The following CTNND2 variants were observed in gnomAD, a reference collection of about 807,000 sequenced individuals.
CTNND2 encodes catenin delta-2.
CTNND2 carries 22 observed loss-of-function variants against 144.4 expected under a neutral mutation model. The ratio of observed to expected loss-of-function variants is 0.15; its 90% confidence interval spans 0.11 to 0.22. The LOEUF is 0.22. CTNND2 is among the 10% of genes least tolerant of loss of function. The probability of loss-of-function intolerance (pLI) is 1.00; values close to 1 mark genes in which losing one functional copy is unlikely to be tolerated. For synonymous variants in CTNND2, 751 were observed against 695.6 expected (o/e 1.08, Z -1.25); for missense variants, 1,353 against 1,618.8 (o/e 0.84, Z 2.82).
Position 11,385,042 on chromosome 5 carries a change from G to C in CTNND2, c.800C>G (p.Ser267Cys). The change falls in exon 7 of 22, where the codon TCC becomes TGC. Residue 267 changes from serine to cysteine, a missense_variant. This residue lies in a region of CTNND2 where 708 missense variants were observed against 706.4 expected (regional missense o/e 1.00). Transcript: ENST00000304623. ...STLPAPPRGGSPLAAPQGGSP... is the reference protein window; with the variant it reads ...STLPAPPRGGCPLAAPQGGSP... ...ACCGCCCTGGGGCGCGGCCAGCGGG[G>C]AGCCCCCGCGCGGCGGCGCGGGCAG... is the stretch of plus-strand genomic sequence containing the variant. 1 of 1,156,082 alleles carries C rather than the reference G, an allele frequency of 8.6e-7. No homozygotes were observed. Among genetic ancestry groups the C allele is most frequent in the Non-Finnish European group, 1.1e-6 (1 of 944,416 alleles). The allele number at this position is 1,156,082 out of a possible 1,614,324, so 71.6% of individuals were successfully genotyped here. A position where few individuals can be genotyped will look rare whatever the true frequency, so the allele number is the denominator to read the frequency against.
chr5:11,650,037 G>A (rs534124295), intron 2 of CTNND2, among the ~76,000 whole-genome samples: 19 of 152,252 alleles, frequency 1.2e-4, no homozygotes, highest in African/African-American at 4.6e-4. Context: ...CATGACTTTA[G>A]TCAGTGATAT....
chr5:11,505,231 C>T (rs1331323742), intron 3 of CTNND2, among the ~76,000 whole-genome samples: 1 of 149,984 alleles, frequency 6.7e-6, no homozygotes, highest in East Asian at 2.0e-4. Flanking sequence ...TCTCTGTATG[C>T]AAATTGCTTC....
intron 10 of CTNND2, among the ~76,000 whole-genome samples, chr5:11,215,755 C>T (rs1415563780): frequency 6.6e-6 from 1 of 152,192 alleles, no homozygotes; most frequent in Non-Finnish European, 1.5e-5. Context: ...AAATTAAACA[C>T]ACAGCCTGGA....
intron 9 of CTNND2, among the ~76,000 whole-genome samples, chr5:11,344,791 T>C (rs32125): frequency 0.61 from 93,202 of 151,778 alleles, 28,898 homozygotes; most frequent in Admixed American, 0.71. Flanking sequence ...TGTGTCAATA[T>C]ATTGAGAGAA....
chr5:11,801,094 A>G (rs539046487), intron 1 of CTNND2, among the ~76,000 whole-genome samples: 1 of 152,300 alleles, frequency 6.6e-6, no homozygotes, highest in Admixed American at 6.5e-5. Flanking sequence ...TTCTTCCATA[A>G]TTATCTTTTA....
intron 2 of CTNND2, among the ~76,000 whole-genome samples, chr5:11,691,804 C>A (rs1437656438): frequency 6.6e-6 from 1 of 152,100 alleles, no homozygotes; most frequent in Non-Finnish European, 1.5e-5. Context: ...GTGGGAGGAT[C>A]ACTAGAGACC....
chr5:11,795,361 T>C (rs1791348206), intron 1 of CTNND2, among the ~76,000 whole-genome samples: 1 of 151,908 alleles, frequency 6.6e-6, no homozygotes, highest in Admixed American at 6.6e-5. Context: ...AATCTGGAAG[T>C]GAGATTTAAC....
intron 14 of CTNND2, among the ~76,000 whole-genome samples, chr5:11,103,308 G>A (rs1455523328): frequency 1.3e-5 from 2 of 151,990 alleles, no homozygotes; most frequent in South Asian, 4.1e-4. Flanking sequence ...ATCTCAGTTG[G>A]GTTTGAGAAT....
chr5:11,467,707 C>G (rs867526538), intron 3 of CTNND2, among the ~76,000 whole-genome samples: 20 of 152,156 alleles, frequency 1.3e-4, no homozygotes, highest in African/African-American at 4.6e-4. Context: ...GTTATTTAAG[C>G]AGCAGTTTTG....
intron 1 of CTNND2, among the ~76,000 whole-genome samples, chr5:11,796,414 G>A (rs968832295): frequency 9.2e-5 from 14 of 152,092 alleles, no homozygotes; most frequent in Non-Finnish European, 1.9e-4. Context: ...CATATTATGG[G>A]CCACATTCTT....
In CTNND2 at chr5:11,903,762, G is replaced by A; in HGVS notation, c.37+55C>T. The A allele has an allele frequency of 6.9e-7, 1 of 1,457,572 alleles. No individual in the cohort carries two copies. The highest frequency in any genetic ancestry group is 9.0e-7 in the Non-Finnish European group (1 of 1,106,730). The allele number at this position is 1,457,572 out of a possible 1,614,324, so 90.3% of individuals were successfully genotyped here. On this transcript the variant is annotated intron_variant, in intron 1 of 21. Transcript: ENST00000304623. This position sits in a 1 kb window ranked among gnomAD's most constrained non-coding sequence, Gnocchi z 5.4. Reference sequence around the variant, plus strand: ...CCCCCACCAGCGGCAAGAGGAGGAGGACGGCGCCGGGAGGAGGCTGCGCCC... The same window carrying A: ...CCCCCACCAGCGGCAAGAGGAGGAGAACGGCGCCGGGAGGAGGCTGCGCCC...
intron 6 of CTNND2, among the ~76,000 whole-genome samples, chr5:11,393,645 C>T (rs1429797146): frequency 6.6e-6 from 1 of 152,162 alleles, no homozygotes; most frequent in Non-Finnish European, 1.5e-5. Context: ...AATTATAAAA[C>T]ATCAGTCTGG....
intron 2 of CTNND2, among the ~76,000 whole-genome samples, chr5:11,675,965 T>C (rs1333294401): frequency 6.6e-6 from 1 of 151,862 alleles, no homozygotes; most frequent in Non-Finnish European, 1.5e-5. Context: ...ATTTATGTTC[T>C]TCTCTAAACT....
intron 9 of CTNND2, among the ~76,000 whole-genome samples, chr5:11,268,870 G>A (rs891255183): frequency 2.6e-5 from 4 of 152,132 alleles, no homozygotes; most frequent in African/African-American, 9.7e-5. Context: ...TGTGCACACT[G>A]ACCCTTTTAA....
At chr5:11,311,799 ACAC>A (rs1750913025) in intron 9 of CTNND2, among the ~76,000 whole-genome samples, 1 of 49,000 alleles carries the variant, frequency 2.0e-5, no homozygotes, top group African/African-American at 6.9e-5. Context: ...ACACACACAC[ACAC>A]TCCCCATACA....
At chr5:11,897,866 C>T (rs568029433) in intron 1 of CTNND2, among the ~76,000 whole-genome samples, 1 of 152,318 alleles carries the variant, frequency 6.6e-6, no homozygotes, top group East Asian at 1.9e-4. Flanking sequence ...GGGAACACTT[C>T]TTCTCTATTC....
At chr5:11,005,181 C>T (rs926526000) in intron 18 of CTNND2, among the ~76,000 whole-genome samples, 2 of 152,156 alleles carry the variant, frequency 1.3e-5, no homozygotes, top group African/African-American at 4.8e-5. Context: ...GAGGAATTGA[C>T]CTGTGCCCAG....
At chr5:11,248,472 A>G (rs1743240070) in intron 9 of CTNND2, among the ~76,000 whole-genome samples, 2 of 152,160 alleles carry the variant, frequency 1.3e-5, no homozygotes, top group Admixed American at 1.3e-4. Context: ...TTATGCACAC[A>G]TATAATGCAT....
chr5:11,745,586 T>C (rs943715371), intron 1 of CTNND2, among the ~76,000 whole-genome samples: 1 of 152,198 alleles, frequency 6.6e-6, no homozygotes, highest in Non-Finnish European at 1.5e-5. Flanking sequence ...ACATTTGTAA[T>C]AAGCCACAAT....
Sources: allele counts gnomAD v4.1 joint callset (sites outside exome capture counted in the v4.1 genomes callset), GRCh38; gene constraint gnomAD v4.1.1; regional missense constraint gnomAD v4.1.1; non-coding constraint Gnocchi (gnomAD v3.1); transcripts MANE v1.5; gene names NCBI Gene and HGNC (gene_info 2026-07-23, HGNC 2026-07-21).